SNAP91: variants seen among roughly 807,000 people sequenced by gnomAD.
SNAP91 encodes clathrin coat assembly protein AP180.
SNAP91 carries 27 observed loss-of-function variants against 100.3 expected under a neutral mutation model. The observed-to-expected ratio is 0.27, with a 90% confidence interval of 0.20 to 0.37. The LOEUF is 0.37. Ranked by LOEUF, SNAP91 falls within the 10% of genes least tolerant of loss-of-function variation. SNAP91 has a pLI of 1.00. For missense variants in SNAP91, 986 were observed against 1,123.7 expected, an observed-to-expected ratio of 0.88 and a Z score of 1.75; for synonymous variants, 404 against 398.6, an observed-to-expected ratio of 1.01 and a Z score of -0.16.
At chr6:83,639,589 T>C (rs922375755) in intron 8 of SNAP91, among the ~76,000 whole-genome samples, 2 of 152,160 alleles carry the variant, frequency 1.3e-5, no homozygotes, top group African/African-American at 2.4e-5. Context: ...TCAGGTGGGC[T>C]TGTGCTAACA....
chr6:83,671,159 T>C (rs2098779117), intron 2 of SNAP91, among the ~76,000 whole-genome samples: 2 of 152,046 alleles, frequency 1.3e-5, no homozygotes, highest in Admixed American at 1.3e-4. Flanking sequence ...GTCTGTCTAT[T>C]TATTTTGGTC....
intron 2 of SNAP91, chr6:83,678,987 G>A: frequency 1.5e-6 from 1 of 677,418 alleles, no homozygotes; most frequent in Non-Finnish European, 2.0e-6. Context: ...TATCCACAAG[G>A]TCCACATCCT....
intron 16 of SNAP91, among the ~76,000 whole-genome samples, chr6:83,600,102 A>G (rs2094992557): frequency 6.6e-6 from 1 of 152,126 alleles, no homozygotes; most frequent in African/African-American, 2.4e-5. Flanking sequence ...CTCTTTATTC[A>G]AGGGTCTGCA....
chr6:83,608,648 T>C (rs1478308418), intron 12 of SNAP91, among the ~76,000 whole-genome samples: 2 of 152,002 alleles, frequency 1.3e-5, no homozygotes, highest in Middle Eastern at 3.2e-3. Context: ...TAACTGGGCA[T>C]CTGACTTCAA....
At chr6:83,560,316 G>C (rs557552515) in intron 27 of SNAP91, 108 bp from the exon 28 acceptor site, 1 of 735,094 alleles carries the variant, frequency 1.4e-6, no homozygotes, top group Admixed American at 2.7e-5. Flanking sequence ...GAGGAATCCA[G>C]GACTATGAGG....
At chr6:83,617,591 T>C (rs2096550928) in intron 9 of SNAP91, among the ~76,000 whole-genome samples, 1 of 151,438 alleles carries the variant, frequency 6.6e-6, no homozygotes, top group African/African-American at 2.4e-5. Flanking sequence ...TATTGACCTA[T>C]TTATATATAA....
At chr6:83,652,840 T>G (rs2128662861) in intron 7 of SNAP91, among the ~76,000 whole-genome samples, 1 of 152,274 alleles carries the variant, frequency 6.6e-6, no homozygotes, top group Non-Finnish European at 1.5e-5. Flanking sequence ...TCTCTTTCAC[T>G]TTTAAAGGAC....
At chr6:83,686,207 T>C in intron 2 of SNAP91, 1 of 985,318 alleles carries the variant, frequency 1.0e-6, no homozygotes, top group East Asian at 1.1e-4. Flanking sequence ...TTTACTTGAG[T>C]TCTTCCTGCA....
intron 7 of SNAP91, among the ~76,000 whole-genome samples, chr6:83,646,889 T>C (rs188219968): frequency 8.2e-4 from 125 of 152,322 alleles, no homozygotes; most frequent in Non-Finnish European, 9.0e-4. Flanking sequence ...TTTCCTCATA[T>C]AGATCTTAGA....
chr6:83,681,724 A>G (rs2098992264), intron 2 of SNAP91, among the ~76,000 whole-genome samples: 1 of 152,194 alleles, frequency 6.6e-6, no homozygotes. Flanking sequence ...TTGAGAGAGA[A>G]AGAGAGATGA....
At chr6:83,665,945 G>C (rs1295633765) in intron 2 of SNAP91, among the ~76,000 whole-genome samples, 1 of 151,930 alleles carries the variant, frequency 6.6e-6, no homozygotes, top group Non-Finnish European at 1.5e-5. Context: ...TCTCAAATGT[G>C]GGCACTTATT....
At chr6:83,635,151 G>A (rs1413212509) in intron 8 of SNAP91, among the ~76,000 whole-genome samples, 1 of 152,106 alleles carries the variant, frequency 6.6e-6, no homozygotes, top group Non-Finnish European at 1.5e-5. Flanking sequence ...TGTCTATTAG[G>A]TCCAATTGGT....
chr6:83,556,091 C>A, intron 29 of SNAP91, 52 bp downstream of exon 29: 1 of 966,112 alleles, frequency 1.0e-6, no homozygotes. Context: ...AATAGCTAAG[C>A]ATTGTATAGC....
chr6:83,615,312 G>A (rs2096417089), intron 10 of SNAP91, among the ~76,000 whole-genome samples: 1 of 152,194 alleles, frequency 6.6e-6, no homozygotes, highest in African/African-American at 2.4e-5. Flanking sequence ...AGAGTGCAGA[G>A]AAGCTGACTT....
rs1291288489 is a variant in SNAP91 at position 83,641,223 on chromosome 6, A to G, written c.659-21T>C. 5 of 1,124,146 alleles carry G rather than the reference A, an allele frequency of 4.4e-6. No homozygotes were observed. The South Asian group carries it at 7.8e-5, about 17-fold the overall frequency. 69.6% of individuals were successfully genotyped at this position (1,124,146 alleles called of 1,614,324 possible). A position where few individuals can be genotyped will look rare whatever the true frequency, so the allele number is the denominator to read the frequency against. ...CTTTTCTAGAGAAGATAAAGAGATAAGCAATTTGAAAAGAGTATTATGTTC... is the reference window on the plus strand; with the variant it reads ...CTTTTCTAGAGAAGATAAAGAGATAGGCAATTTGAAAAGAGTATTATGTTC... On this transcript the variant is annotated intron_variant, in intron 7 of 29. Coordinates refer to ENST00000369694, the MANE Select transcript of SNAP91 (RefSeq NM_001242792.2).
chr6:83,663,738 A>C (rs1001539332), intron 3 of SNAP91, among the ~76,000 whole-genome samples: 9 of 152,172 alleles, frequency 5.9e-5, no homozygotes, highest in African/African-American at 2.2e-4. Flanking sequence ...TATCCAGAAG[A>C]TCTAGCTGAG....
chr6:83,687,317 T>C (rs746504466), intron 2 of SNAP91, among the ~76,000 whole-genome samples: 1 of 152,222 alleles, frequency 6.6e-6, no homozygotes, highest in African/African-American at 2.4e-5. Flanking sequence ...AATTATTTCA[T>C]GTCCTTCAGG....
chr6:83,678,435 A>T (rs931044195), intron 2 of SNAP91, among the ~76,000 whole-genome samples: 7 of 151,796 alleles, frequency 4.6e-5, no homozygotes, highest in Non-Finnish European at 7.4e-5. Flanking sequence ...CTCGAGCCAT[A>T]AAAAAAACAG....
chr6:83,580,158 T>G (rs537025700), intron 24 of SNAP91, among the ~76,000 whole-genome samples: 1 of 152,334 alleles, frequency 6.6e-6, no homozygotes, highest in South Asian at 2.1e-4. Context: ...AAGTGCTTTT[T>G]ACACATAATA....
Sources: allele counts gnomAD v4.1 joint callset (sites outside exome capture counted in the v4.1 genomes callset), GRCh38; gene constraint gnomAD v4.1.1; transcripts MANE v1.5; gene names NCBI Gene and HGNC (gene_info 2026-07-23, HGNC 2026-07-21).